The following WASF2 variants were observed in gnomAD, a reference collection of about 807,000 sequenced individuals.
WASF2 encodes WASP family member 2, also known as actin-binding protein WASF2.
Under a neutral mutation model 45.0 loss-of-function variants are expected in WASF2, and 14 were observed. The observed-to-expected ratio is 0.31, with a 90% CI of 0.21 to 0.49. The LOEUF (loss-of-function observed/expected upper bound fraction) is 0.49. Among genes scored for constraint, WASF2 ranks in the 20% least tolerant of loss-of-function variants. The pLI, the probability that WASF2 is intolerant of heterozygous loss-of-function variation, is 0.99. For synonymous variants in WASF2, 200 were observed against 236.3 expected (o/e 0.85, Z 1.41); for missense variants, 439 against 636.1 (o/e 0.69, Z 3.33).
chr1:27,460,748 C>A (rs1229285422), intron 1 of WASF2, among the ~76,000 whole-genome samples: 1 of 152,180 alleles, frequency 6.6e-6, no homozygotes, highest in African/African-American at 2.4e-5. Context: ...GTGAATAGAG[C>A]AAAATAGTCC....
chr1:27,444,403 G>A (rs2148121398), intron 1 of WASF2, among the ~76,000 whole-genome samples: 1 of 152,270 alleles, frequency 6.6e-6, no homozygotes, highest in South Asian at 2.1e-4. Context: ...AGAATAAGAT[G>A]TGATAACATA....
rs1256720939 is a variant in WASF2 at position 27,416,111 on chromosome 1, G to A, written c.420-9C>T. ...CCTCTTTTCCATCGTCCCTGGGATAGAAATGAAGACAAGTAGCTGTCAGTA... is the reference window on the plus strand; with the variant it reads ...CCTCTTTTCCATCGTCCCTGGGATAAAAATGAAGACAAGTAGCTGTCAGTA... On this transcript the variant is annotated splice_polypyrimidine_tract_variant and intron_variant, in intron 4 of 8. Transcript: ENST00000618852. 3.7e-6 allele frequency: 6 copies of A among 1,611,192 alleles called. No individual in the cohort carries two copies. Among genetic ancestry groups the A allele is most frequent in the Middle Eastern group, 1.7e-4 (1 of 6,050 alleles).
rs569340037 is a variant in WASF2 at position 27,410,553 on chromosome 1, C to T, written c.825-347G>A. ...GGGAAGGCACCCTCCCTCCCCTTCCCTAAGAAGGATGGTCCATGGCAGTTG... is the reference window on the plus strand; with the variant it reads ...GGGAAGGCACCCTCCCTCCCCTTCCTTAAGAAGGATGGTCCATGGCAGTTG... On this transcript the variant is annotated intron_variant, in intron 7 of 8. Coordinates refer to ENST00000618852, the MANE Select transcript of WASF2 (RefSeq NM_006990.5). The surrounding 1 kb of genome is among the most constrained non-coding windows in gnomAD (Gnocchi z 4.2). Among the ~76,000 whole-genome samples the T allele has an allele frequency of 2.0e-5, 3 of 152,286 alleles. No individual in the cohort carries two copies. The highest frequency in any genetic ancestry group is 3.9e-4 in the East Asian group (2 of 5,182).
intron 1 of WASF2, among the ~76,000 whole-genome samples, chr1:27,445,575 A>G (rs544048083): frequency 1.0e-3 from 156 of 152,332 alleles, no homozygotes; most frequent in African/African-American, 3.5e-3. Flanking sequence ...AGTATAACAT[A>G]CTGCTTTCTC....
chr1:27,452,284 G>C lies in WASF2; in HGVS notation c.-43-23351C>G, dbSNP rs1050838153. On this transcript the variant is annotated intron_variant, in intron 1 of 8. Transcript: ENST00000618852. Reference sequence around the variant, plus strand: ...AATCCCAACACTTTGGGAGACCAAGGCGGGTGGATCACGAGGTCAAAAGAT... The same window carrying C: ...AATCCCAACACTTTGGGAGACCAAGCCGGGTGGATCACGAGGTCAAAAGAT... Among the ~76,000 whole-genome samples, 4 of 152,214 alleles carry C rather than the reference G, an allele frequency of 2.6e-5. No homozygotes were observed. The East Asian group carries it at 7.7e-4, about 29-fold the overall frequency.
At chr1:27,420,069 T>C (rs1324655344) in intron 2 of WASF2, among the ~76,000 whole-genome samples, 1 of 152,080 alleles carries the variant, frequency 6.6e-6, no homozygotes, top group East Asian at 1.9e-4. Flanking sequence ...CATGCCAAAC[T>C]AATTTTTGTA....
At chr1:27,451,917 A>G (rs917058328) in intron 1 of WASF2, among the ~76,000 whole-genome samples, 4 of 152,214 alleles carry the variant, frequency 2.6e-5, no homozygotes, top group African/African-American at 7.2e-5. Flanking sequence ...TAGGCACAGT[A>G]AGACATTAAG....
chr1:27,450,280 G>A (rs757956752), intron 1 of WASF2, among the ~76,000 whole-genome samples: 1 of 152,162 alleles, frequency 6.6e-6, no homozygotes. Flanking sequence ...CAGCCAAGAA[G>A]AGAAATTTCC....
intron 1 of WASF2, among the ~76,000 whole-genome samples, chr1:27,483,977 T>G (rs2017889318): frequency 6.6e-6 from 1 of 151,930 alleles, no homozygotes; most frequent in Admixed American, 6.6e-5. Flanking sequence ...AACAATAATT[T>G]TTCCCATTCC....
chr1:27,477,467 C>T (rs1387071691), intron 1 of WASF2, among the ~76,000 whole-genome samples: 1 of 152,154 alleles, frequency 6.6e-6, no homozygotes, highest in Admixed American at 6.5e-5. Context: ...TTGAACCAGG[C>T]AGGTGGAAGT....
chr1:27,451,194 C>G (rs552540234), intron 1 of WASF2, among the ~76,000 whole-genome samples: 44 of 152,298 alleles, frequency 2.9e-4, no homozygotes, highest in Admixed American at 9.8e-4. Context: ...ACAGAGCTTG[C>G]AAGCTCCTGG....
At position 27,416,009 on chromosome 1, in the gene WASF2, G is replaced by T; in HGVS notation, c.513C>A (p.Ile171=). 1 of 1,613,924 alleles carries T rather than the reference G, an allele frequency of 6.2e-7. No homozygotes were observed. The highest frequency in any genetic ancestry group is 8.5e-7 in the Non-Finnish European group (1 of 1,179,900). The change falls in exon 5 of 9, where the codon ATC becomes ATA. Residue 171 remains isoleucine, a synonymous_variant. Coordinates refer to ENST00000618852, the MANE Select transcript of WASF2 (RefSeq NM_006990.5). ...CCCTATGCTTTCTCTTCTCTTTCAT[G>T]ATATCCTTGGTGTCCTGCAGCATCT... ...KEKMLQDTKD[I]MKEKRKHRKE...
intron 1 of WASF2, among the ~76,000 whole-genome samples, chr1:27,431,406 G>T (rs1418309277): frequency 6.6e-6 from 1 of 152,048 alleles, no homozygotes; most frequent in Non-Finnish European, 1.5e-5. Flanking sequence ...AAGGTGGGAG[G>T]AGGTTACATA....
intron 1 of WASF2, among the ~76,000 whole-genome samples, chr1:27,459,926 T>C (rs1218150629): frequency 6.6e-6 from 1 of 152,238 alleles, no homozygotes; most frequent in African/African-American, 2.4e-5. Flanking sequence ...ACTAGCCCTC[T>C]ATCAATGAAG....
intron 1 of WASF2, among the ~76,000 whole-genome samples, chr1:27,456,430 T>C (rs1320293249): frequency 6.6e-6 from 1 of 150,730 alleles, no homozygotes; most frequent in Non-Finnish European, 1.5e-5. Context: ...TAGGAGCTAA[T>C]GAAAAAGAAA....
chr1:27,405,143 T>A lies in WASF2; in HGVS notation c.*3046A>T, dbSNP rs917583256. On this transcript the variant is annotated 3_prime_UTR_variant, in exon 9 of 9. Transcript: ENST00000618852. ...GGCGCCACGGGAAGAGATTTCACAT[T>A]AGCCGTGACAACACCGCCTCGGCTC... The A allele has an allele frequency of 6.6e-6, 1 of 152,268 alleles. No individual in the cohort carries two copies. Among genetic ancestry groups the A allele is most frequent in the Non-Finnish European group, 1.5e-5 (1 of 68,082 alleles). 9.4% of individuals were successfully genotyped at this position (152,268 alleles called of 1,614,324 possible).
intron 1 of WASF2, among the ~76,000 whole-genome samples, chr1:27,444,103 C>T (rs1423686996): frequency 6.6e-6 from 1 of 152,058 alleles, no homozygotes; most frequent in African/African-American, 2.4e-5. Flanking sequence ...TTTTTTGAGA[C>T]AGGGTCTGGC....
chr1:27,451,028 T>C (rs1045356829), intron 1 of WASF2, among the ~76,000 whole-genome samples: 2 of 151,690 alleles, frequency 1.3e-5, no homozygotes, highest in African/African-American at 2.4e-5. Context: ...CTAGGCAACA[T>C]AGTGAGATCC....
At chr1:27,419,114 A>T in intron 2 of WASF2, 26 bp from the exon 3 acceptor site, 1 of 1,611,944 alleles carries the variant, frequency 6.2e-7, no homozygotes, top group Non-Finnish European at 8.5e-7. Flanking sequence ...AAACCAAGTC[A>T]CTAGTGCATA....
Sources: gnomAD v4.1 joint callset for allele counts (sites outside exome capture counted in the v4.1 genomes callset) on GRCh38, gnomAD v4.1.1 for gene constraint, Gnocchi (gnomAD v3.1) non-coding constraint, MANE v1.5 for transcripts, NCBI Gene and HGNC (gene_info 2026-07-23, HGNC 2026-07-21) for gene names.